The following TAX1BP1 variants were observed in gnomAD, a reference collection of about 807,000 sequenced individuals.
The protein encoded by TAX1BP1 is tax1-binding protein 1.
Under a neutral mutation model 97.7 loss-of-function variants are expected in TAX1BP1, and 62 were observed. The ratio of observed to expected loss-of-function variants is 0.63; its 90% CI spans 0.52 to 0.78. The LOEUF (loss-of-function observed/expected upper bound fraction) is 0.78, where lower values mean the gene tolerates loss of function less well. Ranked by LOEUF, TAX1BP1 falls within the 30% of genes least tolerant of loss-of-function variation. The pLI, the probability that TAX1BP1 is intolerant of heterozygous loss-of-function variation, is 0.00. For synonymous variants in TAX1BP1, 340 were observed against 304.2 expected, an observed-to-expected ratio of 1.12 and a Z score of -1.23; for missense variants, 867 against 916.1, an observed-to-expected ratio of 0.95 and a Z score of 0.69.
intron 15 of TAX1BP1, among the ~76,000 whole-genome samples, chr7:27,823,970 T>A (rs905008215): frequency 1.3e-5 from 2 of 152,184 alleles, no homozygotes; most frequent in Non-Finnish European, 2.9e-5. Flanking sequence ...GTAAATAATA[T>A]TCCACCCTAT....
At chr7:27,748,344 T>G (rs1448774149) in intron 1 of TAX1BP1, among the ~76,000 whole-genome samples, 174 bp from the exon 2 acceptor site, 1 of 152,216 alleles carries the variant, frequency 6.6e-6, no homozygotes, top group Non-Finnish European at 1.5e-5. Context: ...CCAGTTTGTC[T>G]GTATTTTTAT....
At chr7:27,768,354 A>G (rs1243033822) in intron 4 of TAX1BP1, among the ~76,000 whole-genome samples, 1 of 152,058 alleles carries the variant, frequency 6.6e-6, no homozygotes, top group Non-Finnish European at 1.5e-5. Context: ...TGCTTAACAT[A>G]TTCCAAAATA....
chr7:27,747,993 C>T (rs1787888322), intron 1 of TAX1BP1, among the ~76,000 whole-genome samples: 4 of 151,944 alleles, frequency 2.6e-5, no homozygotes, highest in South Asian at 2.1e-4. Context: ...TTATAGGACC[C>T]CAAAACCTAG....
At chr7:27,754,874 C>T (rs1176257489) in intron 2 of TAX1BP1, among the ~76,000 whole-genome samples, 1 of 152,140 alleles carries the variant, frequency 6.6e-6, no homozygotes, top group East Asian at 1.9e-4. Flanking sequence ...TAAACCACCC[C>T]ACCTGGCTTG....
intron 8 of TAX1BP1, among the ~76,000 whole-genome samples, chr7:27,791,321 A>C (rs1789697352): frequency 1.3e-5 from 2 of 152,114 alleles, no homozygotes; most frequent in Non-Finnish European, 2.9e-5. Context: ...AACTAAATTT[A>C]TTGTGTTTAT....
intron 5 of TAX1BP1, among the ~76,000 whole-genome samples, chr7:27,782,421 G>A (rs1302924836): frequency 1.3e-5 from 2 of 150,700 alleles, no homozygotes; most frequent in Non-Finnish European, 1.5e-5. Context: ...TTTTTTCTTT[G>A]GTATTTTTAG....
chr7:27,749,213 T>C (rs755225044), intron 2 of TAX1BP1, among the ~76,000 whole-genome samples: 2 of 152,172 alleles, frequency 1.3e-5, no homozygotes, highest in Non-Finnish European at 2.9e-5. Context: ...GTTCTTATAT[T>C]TTACCAGTGA....
At chr7:27,794,108 C>G (rs879418147) in intron 10 of TAX1BP1, among the ~76,000 whole-genome samples, 2 of 152,112 alleles carry the variant, frequency 1.3e-5, no homozygotes, top group Non-Finnish European at 2.9e-5. Flanking sequence ...TAAGAAAAAG[C>G]AAAATATAGT....
intron 3 of TAX1BP1, among the ~76,000 whole-genome samples, chr7:27,763,966 T>C (rs1378415676): frequency 6.6e-6 from 1 of 152,242 alleles, no homozygotes; most frequent in African/African-American, 2.4e-5. Context: ...TCTTTAAAAA[T>C]GTATGTTGCC....
chr7:27,828,361 T>C (rs1202870766), intron 16 of TAX1BP1, among the ~76,000 whole-genome samples: 1 of 152,196 alleles, frequency 6.6e-6, no homozygotes, highest in Non-Finnish European at 1.5e-5. Flanking sequence ...TTCACGTAAT[T>C]GTGATTGGAT....
chr7:27,829,601 T>C lies in TAX1BP1; in HGVS notation c.*772T>C, dbSNP rs1782629937. The C allele has an allele frequency of 6.6e-6, 1 of 152,110 alleles. No homozygotes were observed. The highest frequency in any genetic ancestry group is 2.4e-5 in the African/African-American group (1 of 41,366). The allele number at this position is 152,110 out of a possible 1,614,324, so 9.4% of individuals were successfully genotyped here. ...ATCATAGAATATATATCAGTATCTT[T>C]TTTACATTTTCCTGATGAGAATATA... On this transcript the variant is annotated 3_prime_UTR_variant, in exon 17 of 17. Coordinates refer to ENST00000396319, the MANE Select transcript of TAX1BP1 (RefSeq NM_006024.7).
chr7:27,783,278 T>C (rs1443527165), intron 5 of TAX1BP1, among the ~76,000 whole-genome samples: 1 of 152,228 alleles, frequency 6.6e-6, no homozygotes, highest in Non-Finnish European at 1.5e-5. Flanking sequence ...TTTTAGATTT[T>C]ATCTTTTAAA....
intron 9 of TAX1BP1, among the ~76,000 whole-genome samples, chr7:27,792,485 G>A (rs981238430): frequency 6.6e-6 from 1 of 152,154 alleles, no homozygotes; most frequent in Non-Finnish European, 1.5e-5. Flanking sequence ...TGTCAGATAT[G>A]TATTGTTTTG....
At chr7:27,775,784 T>A (rs574722324) in intron 5 of TAX1BP1, among the ~76,000 whole-genome samples, 24 of 152,278 alleles carry the variant, frequency 1.6e-4, no homozygotes, top group African/African-American at 5.8e-4. Context: ...CAAGACATCT[T>A]GAGACTATCA....
At chr7:27,827,652 A>G (rs1052738683) in intron 15 of TAX1BP1, 86 bp from the exon 16 acceptor site, 1 of 1,033,044 alleles carries the variant, frequency 9.7e-7, no homozygotes, top group African/African-American at 1.6e-5. Context: ...ATCTTCTTTT[A>G]TACTGTCAGT....
At chr7:27,769,603 G>C in intron 4 of TAX1BP1, 73 bp from the exon 5 acceptor site, 1 of 1,292,334 alleles carries the variant, frequency 7.7e-7, no homozygotes, top group South Asian at 1.5e-5. Context: ...TTTGGAAATG[G>C]AAAACTAAAT....
chr7:27,756,122 A>T (rs1379632552), intron 2 of TAX1BP1, among the ~76,000 whole-genome samples: 3 of 152,040 alleles, frequency 2.0e-5, no homozygotes, highest in African/African-American at 7.2e-5. Flanking sequence ...TTCTAATTAG[A>T]TTTATTATTA....
At chr7:27,804,103 A>T (rs1176590203) in intron 13 of TAX1BP1, among the ~76,000 whole-genome samples, 1 of 152,240 alleles carries the variant, frequency 6.6e-6, no homozygotes, top group African/African-American at 2.4e-5. Context: ...GATGCTTTCC[A>T]ATGTTTACAA....
chr7:27,773,585 CATA>C (rs1788925130), intron 5 of TAX1BP1, among the ~76,000 whole-genome samples: 1 of 152,022 alleles, frequency 6.6e-6, no homozygotes, highest in African/African-American at 2.4e-5. Flanking sequence ...TTTCACTTAG[CATA>C]ATGTTTTCAA....
Sources: gnomAD v4.1 joint callset for allele counts (sites outside exome capture counted in the v4.1 genomes callset) on GRCh38, gnomAD v4.1.1 for gene constraint, MANE v1.5 for transcripts, NCBI Gene and HGNC (gene_info 2026-07-23, HGNC 2026-07-21) for gene names.